SPACDR: variants seen among roughly 807,000 people sequenced by gnomAD.
The protein encoded by SPACDR is uncharacterized protein C7orf61.
chr7:100,458,374 A>G, the SPACDR span, among the ~76,000 whole-genome samples: 1 of 152,138 alleles, frequency 6.6e-6, no homozygotes, highest in East Asian at 1.9e-4. Context: ...AAGCTACAGA[A>G]CATTTCCATC....
the SPACDR span, among the ~76,000 whole-genome samples, chr7:100,457,898 G>T: frequency 6.4e-5 from 9 of 139,844 alleles, no homozygotes; most frequent in Middle Eastern, 4.3e-3. Context: ...TGCCCAGGCT[G>T]GTCTTGAACT....
chr7:100,457,855 A>ATT, the SPACDR span, among the ~76,000 whole-genome samples: 129 of 68,014 alleles, frequency 1.9e-3, 3 homozygotes, highest in African/African-American at 7.5e-3. Flanking sequence ...ATATATATAT[A>ATT]TATTTTTTTT....
At chr7:100,463,663 A>G in the SPACDR span, 3 of 1,613,698 alleles carry the variant, frequency 1.9e-6, no homozygotes, top group Non-Finnish European at 2.5e-6. Context: ...TGGTTGGTTT[A>G]ATTTTTTGCC....
the SPACDR span, chr7:100,463,470 C>G: frequency 6.2e-7 from 1 of 1,613,766 alleles, no homozygotes; most frequent in African/African-American, 1.3e-5. Context: ...CCCTGTTGGC[C>G]CAGCTCCACC....
the SPACDR span, among the ~76,000 whole-genome samples, chr7:100,462,835 C>T: frequency 1.2e-4 from 17 of 144,778 alleles, no homozygotes; most frequent in African/African-American, 4.3e-4. Context: ...ATTTGCCGGG[C>T]ATGGTGGCTC....
the SPACDR span, among the ~76,000 whole-genome samples, chr7:100,460,559 C>T: frequency 1.3e-5 from 2 of 151,182 alleles, no homozygotes; most frequent in South Asian, 2.1e-4. Context: ...CACTGCACTC[C>T]AGCCTATGTG....
chr7:100,457,841 G>GTGTGTGTGTGTGTATATA, the SPACDR span, among the ~76,000 whole-genome samples: 5 of 85,078 alleles, frequency 5.9e-5, no homozygotes, highest in East Asian at 1.2e-3. Flanking sequence ...GTGTGTGTGT[G>GTGTGTGTGTGTGTATATA]TATATATATA....
the SPACDR span, among the ~76,000 whole-genome samples, chr7:100,460,599 A>AAG: frequency 1.1e-3 from 164 of 150,868 alleles, 1 homozygote; most frequent in Admixed American, 1.8e-3. Flanking sequence ...TAAAAAAAAA[A>AAG]AGAGAGAGAG....
chr7:100,457,803 A>ATATATGTGTGTGTGTGTG, the SPACDR span, among the ~76,000 whole-genome samples: 1 of 72,588 alleles, frequency 1.4e-5, no homozygotes, highest in African/African-American at 6.5e-5. Context: ...ATATATATAT[A>ATATATGTGTGTGTGTGTG]TGTGTGTGTG....
the SPACDR span, among the ~76,000 whole-genome samples, chr7:100,457,855 ATATTTT>A: frequency 1.5e-5 from 1 of 68,004 alleles, no homozygotes. Context: ...ATATATATAT[ATATTTT>A]TTTTTTTTTT....
the SPACDR span, chr7:100,456,842 C>G: frequency 6.2e-7 from 1 of 1,613,362 alleles, no homozygotes; most frequent in Non-Finnish European, 8.5e-7. Flanking sequence ...GTCTGTGCCT[C>G]TCCTGCCTGC....
chr7:100,460,601 G>A, the SPACDR span, among the ~76,000 whole-genome samples: 34 of 149,768 alleles, frequency 2.3e-4, no homozygotes, highest in Admixed American at 2.3e-3. Context: ...AAAAAAAAAA[G>A]AGAGAGAGAG....
chr7:100,461,859 G>A, the SPACDR span, among the ~76,000 whole-genome samples: 30 of 151,668 alleles, frequency 2.0e-4, no homozygotes, highest in African/African-American at 6.8e-4. Context: ...TGGGCGTGGT[G>A]GCGGGTGCCT....
At chr7:100,461,986 CAAAAA>C in the SPACDR span, among the ~76,000 whole-genome samples, 1 of 59,888 alleles carries the variant, frequency 1.7e-5, no homozygotes, top group African/African-American at 6.7e-5. Context: ...GACTCCGTCT[CAAAAA>C]AAAAAAAAAA....
At chr7:100,457,539 G>A in the SPACDR span, among the ~76,000 whole-genome samples, 3 of 150,624 alleles carry the variant, frequency 2.0e-5, no homozygotes, top group Middle Eastern at 0.011. Context: ...GGCTGGTCTC[G>A]AACTCCTGAC....
the SPACDR span, among the ~76,000 whole-genome samples, chr7:100,459,461 T>C: frequency 6.6e-6 from 1 of 151,856 alleles, no homozygotes; most frequent in African/African-American, 2.4e-5. Flanking sequence ...ATAATTTTTT[T>C]GTATTTTTAG....
chr7:100,464,042 AAC>A, the SPACDR span: 7 of 1,509,408 alleles, frequency 4.6e-6, no homozygotes, highest in Admixed American at 1.3e-4. Context: ...TGATGGGAAA[AAC>A]ACAGAAGAAA....
At chr7:100,461,986 C>CAAAA in the SPACDR span, among the ~76,000 whole-genome samples, 1 of 59,894 alleles carries the variant, frequency 1.7e-5, no homozygotes, top group South Asian at 6.4e-4. Context: ...GACTCCGTCT[C>CAAAA]AAAAAAAAAA....
chr7:100,463,695 C>A, the SPACDR span: 1 of 1,610,548 alleles, frequency 6.2e-7, no homozygotes, highest in African/African-American at 1.3e-5. Context: ...ACCTGAGAAC[C>A]AAGACACAGA....
Sources: gnomAD v4.1 joint callset for allele counts (sites outside exome capture counted in the v4.1 genomes callset) on GRCh38, gnomAD v4.1.1 for gene constraint, MANE v1.5 for transcripts, NCBI Gene and HGNC (gene_info 2026-07-23, HGNC 2026-07-21) for gene names.